The following PLXDC2 variants were observed in gnomAD, a reference collection of about 807,000 sequenced individuals.
PLXDC2 encodes the protein plexin domain-containing protein 2.
PLXDC2 carries 40 observed loss-of-function variants against 68.9 expected under a neutral mutation model. The observed-to-expected ratio is 0.58, with a 90% CI of 0.45 to 0.76. The LOEUF (loss-of-function observed/expected upper bound fraction) is 0.76. Among genes scored for constraint, PLXDC2 ranks in the 30% least tolerant of loss-of-function variants. The pLI is 0.00. For synonymous variants in PLXDC2, 243 were observed against 234.2 expected (o/e 1.04, Z -0.34); for missense variants, 644 against 661.9 (o/e 0.97, Z 0.30).
At chr10:19,981,065 G>A (rs754848968) in intron 1 of PLXDC2, among the ~76,000 whole-genome samples, 1 of 152,062 alleles carries the variant, frequency 6.6e-6, no homozygotes, top group Non-Finnish European at 1.5e-5. Context: ...AAAAAATCTT[G>A]TGTTATTTTT....
At chr10:19,944,972 A>C (rs1833878308) in intron 1 of PLXDC2, among the ~76,000 whole-genome samples, 1 of 152,100 alleles carries the variant, frequency 6.6e-6, no homozygotes, top group Non-Finnish European at 1.5e-5. Context: ...AAAACAAAAC[A>C]AAAAAAGAAA....
chr10:20,023,316 T>C (rs1835344466), intron 2 of PLXDC2, among the ~76,000 whole-genome samples: 1 of 152,098 alleles, frequency 6.6e-6, no homozygotes, highest in African/African-American at 2.4e-5. Flanking sequence ...AATTCTTTAT[T>C]GTAGATCTAA....
intron 7 of PLXDC2, among the ~76,000 whole-genome samples, chr10:20,166,284 C>A (rs1319102253): frequency 3.9e-5 from 6 of 152,066 alleles, no homozygotes; most frequent in Admixed American, 3.9e-4. Flanking sequence ...GGCATTGATA[C>A]GTGGTGGTTC....
intron 1 of PLXDC2, among the ~76,000 whole-genome samples, chr10:19,833,352 C>T (rs560287680): frequency 7.9e-5 from 12 of 152,256 alleles, no homozygotes; most frequent in South Asian, 2.1e-4. Context: ...CTAGAAGTGC[C>T]GACTGCACCT....
At chr10:20,230,108 T>G (rs889763598) in intron 12 of PLXDC2, among the ~76,000 whole-genome samples, 1 of 152,178 alleles carries the variant, frequency 6.6e-6, no homozygotes, top group African/African-American at 2.4e-5. Context: ...AGTAACTATT[T>G]CAAATGTAAA....
rs530824175 is a variant in PLXDC2, at chr10:19,830,078, G to C, written c.112+12887G>C. On this transcript the variant is annotated intron_variant, in intron 1 of 13. Transcript: ENST00000377252. ...TTGCTTCTCTGGAGAGAATTCCATA[G>C]TTAAAAATGATATATGGGTAAACAA... is the stretch of plus-strand genomic sequence containing the variant. Among the ~76,000 whole-genome samples the C allele has an allele frequency of 9.2e-5, 14 of 152,286 alleles. No homozygotes were observed. The East Asian group carries it at 2.5e-3, about 27-fold the overall frequency.
At chr10:20,073,964 A>C (rs1425307341) in intron 4 of PLXDC2, among the ~76,000 whole-genome samples, 1 of 152,142 alleles carries the variant, frequency 6.6e-6, no homozygotes, top group Non-Finnish European at 1.5e-5. Context: ...TACAGTGATG[A>C]GATGGGAGCA....
chr10:20,241,205 G>A (rs556433853), intron 12 of PLXDC2, among the ~76,000 whole-genome samples: 2 of 152,192 alleles, frequency 1.3e-5, no homozygotes, highest in Non-Finnish European at 2.9e-5. Flanking sequence ...TGGGAGAGAA[G>A]TATTTATGTC....
At chr10:20,191,926 G>T in intron 9 of PLXDC2, among the ~76,000 whole-genome samples, 1 of 152,082 alleles carries the variant, frequency 6.6e-6, no homozygotes, top group South Asian at 2.1e-4. Context: ...ATTTATAATA[G>T]CTACCTTTTA....
chr10:20,237,268 T>A (rs1375831330), intron 12 of PLXDC2, among the ~76,000 whole-genome samples: 2 of 152,178 alleles, frequency 1.3e-5, no homozygotes, highest in African/African-American at 2.4e-5. Flanking sequence ...TAATAGCTAA[T>A]GTGAATTAGG....
chr10:20,216,568 A>C (rs542664462), intron 10 of PLXDC2, among the ~76,000 whole-genome samples: 1 of 152,324 alleles, frequency 6.6e-6, no homozygotes, highest in African/African-American at 2.4e-5. Flanking sequence ...GAGAAGTTTA[A>C]GAATGATATT....
chr10:20,267,099 A>G (rs1775945273), intron 13 of PLXDC2, among the ~76,000 whole-genome samples: 1 of 152,210 alleles, frequency 6.6e-6, no homozygotes, highest in Non-Finnish European at 1.5e-5. Context: ...AAATTACAAC[A>G]TTGATTTGAT....
Position 20,279,774 on chromosome 10 carries a change from A to G in PLXDC2, c.1545A>G (p.Glu515=). Residue 515 remains glutamate (E), a synonymous_variant, in exon 14 of 14, where the codon GAA becomes GAG. Transcript: ENST00000377252. Reference sequence around the variant, plus strand: ...GACATCCTGCCTATGCTGAAGTTGAACCAGTTGGAGAGAAAGAAGGCTTTA... The same window carrying G: ...GACATCCTGCCTATGCTGAAGTTGAGCCAGTTGGAGAGAAAGAAGGCTTTA... ...GSGHPAYAEV[E]PVGEKEGFIV... The G allele has an allele frequency of 2.5e-6, 4 of 1,613,966 alleles. No individual in the cohort carries two copies. Among genetic ancestry groups the G allele is most frequent in the Non-Finnish European group, 3.4e-6 (4 of 1,179,936 alleles).
intron 1 of PLXDC2, among the ~76,000 whole-genome samples, chr10:19,824,854 G>T (rs568275912): frequency 3.9e-5 from 6 of 152,122 alleles, no homozygotes; most frequent in Non-Finnish European, 7.3e-5. Flanking sequence ...GGTAAGCTGT[G>T]GAATGATGGT....
intron 12 of PLXDC2, among the ~76,000 whole-genome samples, chr10:20,234,278 T>A (rs12356314): frequency 0.095 from 14,471 of 152,224 alleles, 916 homozygotes; most frequent in Middle Eastern, 0.17. Flanking sequence ...GATGGTTTGG[T>A]GGAACAGGTC....
At chr10:19,935,737 A>G (rs1833712567) in intron 1 of PLXDC2, among the ~76,000 whole-genome samples, 1 of 152,258 alleles carries the variant, frequency 6.6e-6, no homozygotes, top group Non-Finnish European at 1.5e-5. Context: ...AAGTGCAGCA[A>G]ACCCATAAAC....
At chr10:20,149,145 G>C (rs529911513) in intron 6 of PLXDC2, among the ~76,000 whole-genome samples, 9 of 151,450 alleles carry the variant, frequency 5.9e-5, no homozygotes, top group African/African-American at 1.9e-4. Flanking sequence ...ACATGTCCTG[G>C]AGGTTTTGTT....
intron 2 of PLXDC2, among the ~76,000 whole-genome samples, chr10:20,014,374 C>G (rs532040823): frequency 1.7e-4 from 12 of 69,288 alleles, no homozygotes; most frequent in African/African-American, 5.7e-4. Context: ...TTCCTTCCTT[C>G]CTTCCTTGCT....
intron 1 of PLXDC2, among the ~76,000 whole-genome samples, chr10:19,879,933 G>A (rs751110224): frequency 3.9e-5 from 6 of 152,118 alleles, no homozygotes; most frequent in Non-Finnish European, 5.9e-5. Flanking sequence ...ATTATGGTGA[G>A]TTTTGAAACA....
Sources: gnomAD v4.1 joint callset for allele counts (sites outside exome capture counted in the v4.1 genomes callset) on GRCh38, gnomAD v4.1.1 for gene constraint, MANE v1.5 for transcripts, NCBI Gene and HGNC (gene_info 2026-07-23, HGNC 2026-07-21) for gene names.